Variants in TRIM62 observed in about 807,000 individuals in gnomAD.
TRIM62 encodes the protein tripartite motif containing 62.
TRIM62 carries 39 observed loss-of-function variants against 44.2 expected under a neutral mutation model. The observed-to-expected ratio is 0.88, with a 90% CI of 0.68 to 1.15. TRIM62 has a LOEUF of 1.15. Ranked by LOEUF, TRIM62 falls within the 50% of genes most tolerant of loss-of-function variation. The pLI is 0.00. For synonymous variants in TRIM62, 278 were observed against 292.3 expected (o/e 0.95, Z 0.50); for missense variants, 544 against 665.5 (o/e 0.82, Z 2.01).
intron 1 of TRIM62, among the ~76,000 whole-genome samples, chr1:33,171,319 A>G (rs1321843566): frequency 6.6e-6 from 1 of 152,218 alleles, no homozygotes; most frequent in Non-Finnish European, 1.5e-5. Context: ...TTTGAATTTC[A>G]CAGGCATCTT....
chr1:33,180,953 T>TGGGGGGGGGGG, intron 1 of TRIM62, 72 bp downstream of exon 1: 4 of 724,330 alleles, frequency 5.5e-6, no homozygotes, highest in Non-Finnish European at 5.9e-6. Context: ...GGTCCAGCCC[T>TGGGGGGGGGGG]GACCCCACCC....
Position 33,147,454 on chromosome 1 carries a change from C to CGGCTG in TRIM62, c.1146_1150dup (p.Arg384ProfsTer9). The stretch of plus-strand genomic sequence containing the variant: ...GTGCATCACGATGCAGTAGAAGCCG[C>CGGCTG]GGCTGGGCTGGATCTGGATGCTGCC... On this transcript the variant is annotated frameshift_variant, in exon 5 of 5. Transcript: ENST00000291416. LOFTEE classifies it high-confidence loss of function. The surrounding 1 kb of genome is among the most constrained non-coding windows in gnomAD (Gnocchi z 8.1). The CGGCTG allele has an allele frequency of 6.2e-7, 1 of 1,613,894 alleles. No individual in the cohort carries two copies. The highest frequency in any genetic ancestry group is 8.5e-7 in the Non-Finnish European group (1 of 1,179,998).
In TRIM62 at chr1:33,181,622, G is replaced by A. The variant is rs913825802; in HGVS notation, c.-190C>T. ...ACGCGAGGAAGGGGTGCGCGGCTGA[G>A]ACTCCGTGGGACGCCAGCCCGGGAG... is the stretch of plus-strand genomic sequence containing the variant. On this transcript the variant is annotated 5_prime_UTR_variant, in exon 1 of 5. Transcript: ENST00000291416. The surrounding 1 kb of genome is among the most constrained non-coding windows in gnomAD (Gnocchi z 6.5). 24 of 1,072,034 alleles carry A rather than the reference G, an allele frequency of 2.2e-5. No individual in the cohort carries two copies. Among genetic ancestry groups the A allele is most frequent in the Non-Finnish European group, 2.9e-5 (23 of 782,714 alleles). 66.4% of individuals were successfully genotyped at this position (1,072,034 alleles called of 1,614,324 possible).
intron 2 of TRIM62, among the ~76,000 whole-genome samples, chr1:33,160,723 A>G (rs1645254713): frequency 6.6e-6 from 1 of 152,230 alleles, no homozygotes; most frequent in Admixed American, 6.5e-5. Context: ...TATTTTAAAA[A>G]AATCATTCAT....
intron 4 of TRIM62, among the ~76,000 whole-genome samples, chr1:33,150,159 G>T (rs560690943): frequency 6.6e-6 from 1 of 152,244 alleles, no homozygotes; most frequent in Admixed American, 6.5e-5. Flanking sequence ...CCATTTCCAG[G>T]CAACAGCAAG....
At chr1:33,170,427 A>G (rs1391984497) in intron 1 of TRIM62, among the ~76,000 whole-genome samples, 1 of 152,056 alleles carries the variant, frequency 6.6e-6, no homozygotes, top group Non-Finnish European at 1.5e-5. Context: ...CCACTAGATT[A>G]TGGGCTCTTG....
intron 1 of TRIM62, among the ~76,000 whole-genome samples, chr1:33,174,241 G>A (rs1419920506): frequency 1.3e-5 from 2 of 151,366 alleles, no homozygotes; most frequent in Middle Eastern, 3.6e-3. Context: ...TAGTGCAGTG[G>A]CACCATCACA....
chr1:33,174,742 C>G (rs886562580), intron 1 of TRIM62, among the ~76,000 whole-genome samples: 7 of 152,134 alleles, frequency 4.6e-5, no homozygotes, highest in Non-Finnish European at 7.3e-5. Context: ...TAGGATTCAG[C>G]TCAACAGAGC....
chr1:33,150,583 G>C (rs1019356629), intron 4 of TRIM62, among the ~76,000 whole-genome samples: 1 of 152,210 alleles, frequency 6.6e-6, no homozygotes, highest in Non-Finnish European at 1.5e-5. Context: ...TCTGTCCAGG[G>C]ACATAGAAGA....
At chr1:33,154,920 C>T (rs1487683461) in intron 4 of TRIM62, among the ~76,000 whole-genome samples, 14 of 151,742 alleles carry the variant, frequency 9.2e-5, no homozygotes, top group African/African-American at 1.9e-4. Flanking sequence ...GGTGAAACCC[C>T]GTCTCTACTA....
At chr1:33,162,269 C>T (rs1019625812) in intron 2 of TRIM62, among the ~76,000 whole-genome samples, 5 of 152,172 alleles carry the variant, frequency 3.3e-5, no homozygotes, top group South Asian at 2.1e-4. Flanking sequence ...ACCTCCCTAG[C>T]GCCACTGCAT....
At chr1:33,166,541 C>A (rs1645329208) in intron 1 of TRIM62, among the ~76,000 whole-genome samples, 1 of 152,088 alleles carries the variant, frequency 6.6e-6, no homozygotes, top group Non-Finnish European at 1.5e-5. Context: ...CTCAGTAACC[C>A]TAAGGGAGGC....
chr1:33,156,682 G>A (rs1313925482), intron 4 of TRIM62, among the ~76,000 whole-genome samples: 3 of 152,130 alleles, frequency 2.0e-5, no homozygotes, highest in African/African-American at 4.8e-5. Flanking sequence ...CTGTCCATAT[G>A]CTAATGATGC....
At chr1:33,152,842 C>T (rs1379438042) in intron 4 of TRIM62, among the ~76,000 whole-genome samples, 2 of 152,110 alleles carry the variant, frequency 1.3e-5, no homozygotes, top group Non-Finnish European at 2.9e-5. Context: ...TTCAGATTAG[C>T]AGGGGGCGGG....
intron 1 of TRIM62, among the ~76,000 whole-genome samples, chr1:33,168,432 T>A (rs536564913): frequency 1.3e-5 from 2 of 152,046 alleles, no homozygotes; most frequent in South Asian, 4.1e-4. Context: ...ATGGTGTAAA[T>A]GTTCCCACTC....
At position 33,160,386 on chromosome 1, in the gene TRIM62, C is replaced by G. The variant is rs1268186519; in HGVS notation, c.505-442G>C. Among the ~76,000 whole-genome samples the G allele has an allele frequency of 2.0e-5, 3 of 151,844 alleles. No individual in the cohort carries two copies. The East Asian group carries it at 5.8e-4, about 29-fold the overall frequency. ...TGTTCTCTCAAGGACATAGTGAAGT[C>G]TTTATTTTTTTTGCTTTTATTATTA... On this transcript the variant is annotated intron_variant, in intron 2 of 4. Transcript: ENST00000291416.
intron 1 of TRIM62, chr1:33,176,564 G>A (rs954329304): frequency 1.7e-5 from 10 of 597,376 alleles, no homozygotes; most frequent in South Asian, 7.4e-5. Flanking sequence ...CCAGAGAGCC[G>A]GATGCCACGT....
At chr1:33,178,602 A>T (rs1645438859) in intron 1 of TRIM62, among the ~76,000 whole-genome samples, 1 of 152,226 alleles carries the variant, frequency 6.6e-6, no homozygotes, top group Admixed American at 6.5e-5. Flanking sequence ...TAGCAGGTTA[A>T]TCCCAGGTCA....
At chr1:33,157,406 C>T (rs1188963701) in intron 4 of TRIM62, among the ~76,000 whole-genome samples, 1 of 152,156 alleles carries the variant, frequency 6.6e-6, no homozygotes, top group Non-Finnish European at 1.5e-5. Flanking sequence ...CAGCCCTTGA[C>T]TCTAATGCTT....
Sources: allele counts gnomAD v4.1 joint callset (sites outside exome capture counted in the v4.1 genomes callset), GRCh38; gene constraint gnomAD v4.1.1; non-coding constraint Gnocchi (gnomAD v3.1); transcripts MANE v1.5; gene names NCBI Gene and HGNC (gene_info 2026-07-23, HGNC 2026-07-21).